VIPR1: variants seen among roughly 807,000 people sequenced by gnomAD.
The protein encoded by VIPR1 is vasoactive intestinal polypeptide receptor 1.
VIPR1 carries 59 observed loss-of-function variants against 58.8 expected under a neutral mutation model. The observed-to-expected ratio is 1.00, with a 90% CI of 0.81 to 1.25. VIPR1 has a LOEUF of 1.25. VIPR1 is among the 50% of genes most tolerant of loss of function. The pLI, the probability that VIPR1 is intolerant of heterozygous loss-of-function variation, is 0.00. For missense variants in VIPR1, 626 were observed against 602.7 expected (o/e 1.04, Z -0.40); for synonymous variants, 251 against 242.1 (o/e 1.04, Z -0.34).
At chr3:42,506,139 G>A (rs976854293) in intron 1 of VIPR1, among the ~76,000 whole-genome samples, 1 of 152,226 alleles carries the variant, frequency 6.6e-6, no homozygotes, top group Non-Finnish European at 1.5e-5. Context: ...GGGGAATGGG[G>A]GACGTTTCCT....
rs777120230 is a variant in VIPR1 at position 42,528,030 on chromosome 3, C to T, written c.543C>T (p.Leu181=). The change falls in exon 6 of 13, where the codon CTC becomes CTT. Residue 181 remains leucine, a synonymous_variant. Coordinates refer to ENST00000325123, the MANE Select transcript of VIPR1 (RefSeq NM_004624.4). ...HCTRNYIHMH[L]FISFILRAAA... ...CGCGGAACTACATCCACATGCACCTCTTCATATCCTTCATCCTGAGGGCTG... is the reference window on the plus strand; with the variant it reads ...CGCGGAACTACATCCACATGCACCTTTTCATATCCTTCATCCTGAGGGCTG... 7.4e-6 allele frequency: 12 copies of T among 1,614,076 alleles called. No homozygotes were observed. In the Admixed American group the frequency reaches 8.3e-5, roughly 11 times the overall value.
chr3:42,514,333 C>T (rs1421060062), intron 2 of VIPR1, among the ~76,000 whole-genome samples: 1 of 152,064 alleles, frequency 6.6e-6, no homozygotes, highest in African/African-American at 2.4e-5. Context: ...GAAGAAGAGG[C>T]ACATTCAGTC....
chr3:42,535,344 G>T lies in VIPR1; in HGVS notation c.1142G>T (p.Gly381Val), dbSNP rs749825366. The part of the protein sequence containing the change: ...VFELVVGSFQ[G>V]FVVAILYCFL... ...CTCTCCTGTCATCTTCCTTCTCAGG[G>T]TTTTGTGGTGGCTATCCTCTACTGC... The change falls in exon 12 of 13, where the codon GGT becomes GTT. Residue 381 changes from glycine to valine, a missense_variant and splice_region_variant. By Grantham distance (109) the Gly-to-Val change is moderately radical. Transcript: ENST00000325123. The T allele has an allele frequency of 1.2e-6, 2 of 1,613,988 alleles. No homozygotes were observed. The highest frequency in any genetic ancestry group is 1.7e-4 in the Middle Eastern group (1 of 6,058).
intron 5 of VIPR1, 103 bp downstream of exon 5, chr3:42,527,599 T>G: frequency 9.1e-7 from 1 of 1,103,878 alleles, no homozygotes; most frequent in Non-Finnish European, 1.3e-6. Flanking sequence ...CCTCCACTGT[T>G]GCCCCCCAGC....
rs898234104 is a variant in VIPR1, at chr3:42,527,270, C to A, written c.400-123C>A. The A allele has an allele frequency of 4.7e-6, 4 of 851,566 alleles. No homozygotes were observed. The African/African-American group carries it at 5.1e-5, about 11-fold the overall frequency. 52.8% of individuals were successfully genotyped at this position (851,566 alleles called of 1,614,324 possible). On this transcript the variant is annotated intron_variant, in intron 4 of 12. Transcript: ENST00000325123. ...TGCTCTTGGGAGCCCCAGACCTCAG[C>A]CTCCTCATTTGCTGAGGCAGGGTTG...
intron 2 of VIPR1, among the ~76,000 whole-genome samples, chr3:42,515,480 C>G (rs1490163241): frequency 6.6e-6 from 1 of 152,242 alleles, no homozygotes; most frequent in African/African-American, 2.4e-5. Context: ...TAGGCAGCCC[C>G]AAGAGGCCCA....
At chr3:42,531,294 C>T (rs1182355318) in intron 7 of VIPR1, 177 bp from the exon 8 acceptor site, 2 of 679,968 alleles carry the variant, frequency 2.9e-6, no homozygotes, top group East Asian at 2.7e-5. Context: ...AGCTTCACCC[C>T]CTCAGTGGAG....
chr3:42,530,399 T>C (rs1577251327), intron 6 of VIPR1: 1 of 215,622 alleles, frequency 4.6e-6, no homozygotes, highest in East Asian at 1.1e-4. Flanking sequence ...TGATAGATGA[T>C]GGATGGACAC....
At chr3:42,522,926 C>T (rs1701027518) in intron 3 of VIPR1, among the ~76,000 whole-genome samples, 1 of 152,138 alleles carries the variant, frequency 6.6e-6, no homozygotes, top group South Asian at 2.1e-4. Flanking sequence ...GAAAGGTGGC[C>T]CTTGCCACCC....
At chr3:42,494,722 T>C (rs1303879579) in intron 1 of VIPR1, among the ~76,000 whole-genome samples, 1 of 152,230 alleles carries the variant, frequency 6.6e-6, no homozygotes, top group Non-Finnish European at 1.5e-5. Context: ...TTTCATTGTT[T>C]TCTGTTTTTA....
intron 5 of VIPR1, 148 bp from the exon 6 acceptor site, chr3:42,527,843 T>C: frequency 8.3e-7 from 1 of 1,200,606 alleles, no homozygotes; most frequent in Non-Finnish European, 1.2e-6. Flanking sequence ...GGGCTCGTAT[T>C]TCAGGATGGG....
intron 7 of VIPR1, 76 bp from the exon 8 acceptor site, chr3:42,531,395 C>T: frequency 6.7e-7 from 1 of 1,483,952 alleles, no homozygotes; most frequent in Non-Finnish European, 9.2e-7. Context: ...TGCTTTTCTC[C>T]AAAATCTCTC....
chr3:42,510,603 C>T (rs1032952167), intron 1 of VIPR1, among the ~76,000 whole-genome samples: 7 of 152,164 alleles, frequency 4.6e-5, no homozygotes, highest in African/African-American at 1.4e-4. Flanking sequence ...TCCAGACCAG[C>T]GGTCAGAGAC....
At chr3:42,514,242 C>A (rs535634132) in intron 2 of VIPR1, among the ~76,000 whole-genome samples, 55 of 152,064 alleles carry the variant, frequency 3.6e-4, no homozygotes, top group Non-Finnish European at 5.0e-4. Flanking sequence ...GTTCCAGGAC[C>A]CCCTGGAGCT....
At chr3:42,526,641 AC>A (rs1163882736) in intron 4 of VIPR1, among the ~76,000 whole-genome samples, 3 of 151,966 alleles carry the variant, frequency 2.0e-5, no homozygotes, top group African/African-American at 7.3e-5. Context: ...ACCCCCGAGG[AC>A]AGCAATTTCT....
intron 1 of VIPR1, 28 bp downstream of exon 1, chr3:42,502,841 C>T (rs1699930116): frequency 1.6e-6 from 2 of 1,248,596 alleles, no homozygotes; most frequent in African/African-American, 3.1e-5. Context: ...CGCCCAGAGT[C>T]CCGGCAGCCT....
chr3:42,527,291 G>A, intron 4 of VIPR1, 102 bp from the exon 5 acceptor site: 1 of 1,093,508 alleles, frequency 9.1e-7, no homozygotes, highest in Non-Finnish European at 1.4e-6. Context: ...GCTGAGGCAG[G>A]GTTGGGCAGG....
upstream of VIPR1, among the ~76,000 whole-genome samples, chr3:42,497,715 A>G (rs914932613): frequency 6.6e-6 from 1 of 152,192 alleles, no homozygotes; most frequent in Non-Finnish European, 1.5e-5. Flanking sequence ...TTCTTGTGGT[A>G]GTGAATAACT....
intron 1 of VIPR1, chr3:42,512,847 A>G (rs2125644005): frequency 1.0e-6 from 1 of 985,484 alleles, no homozygotes; most frequent in Non-Finnish European, 1.2e-6. Flanking sequence ...CGCTTCCTCC[A>G]TGGAGGCCTT....
Sources: gnomAD v4.1 joint callset for allele counts (sites outside exome capture counted in the v4.1 genomes callset) on GRCh38, gnomAD v4.1.1 for gene constraint, MANE v1.5 for transcripts, NCBI Gene and HGNC (gene_info 2026-07-23, HGNC 2026-07-21) for gene names.